The following RASGEF1A variants were observed in gnomAD, a reference collection of about 807,000 sequenced individuals.
RASGEF1A encodes ras-GEF domain-containing family member 1A.
In RASGEF1A, 18 loss-of-function variants were observed where a neutral mutation model predicts 56.4. The observed-to-expected ratio is 0.32, with a 90% confidence interval of 0.22 to 0.47. The LOEUF (loss-of-function observed/expected upper bound fraction) is 0.47. Ranked by LOEUF, RASGEF1A falls within the 20% of genes least tolerant of loss-of-function variation. The pLI, the probability that RASGEF1A is intolerant of heterozygous loss-of-function variation, is 1.00. For synonymous variants in RASGEF1A, 245 were observed against 242.6 expected (o/e 1.01, Z -0.09); for missense variants, 422 against 627.1 (o/e 0.67, Z 3.49).
At chr10:43,259,099 C>A (rs187941177) in intron 1 of RASGEF1A, among the ~76,000 whole-genome samples, 1 of 152,212 alleles carries the variant, frequency 6.6e-6, no homozygotes, top group Admixed American at 6.5e-5. Context: ...GCTCCTCATG[C>A]CAGCACAACA....
intron 1 of RASGEF1A, among the ~76,000 whole-genome samples, chr10:43,230,934 G>A (rs1840358083): frequency 6.6e-6 from 1 of 152,218 alleles, no homozygotes; most frequent in South Asian, 2.1e-4. Context: ...CAAGGGCCTG[G>A]AGACAGGAGT....
At chr10:43,253,987 C>G (rs577928288) in intron 1 of RASGEF1A, among the ~76,000 whole-genome samples, 12 of 152,302 alleles carry the variant, frequency 7.9e-5, no homozygotes, top group Non-Finnish European at 1.6e-4. Flanking sequence ...TGCCCCTAAG[C>G]TGGGCCTGGG....
Position 43,196,137 on chromosome 10 carries a change from C to A in RASGEF1A, c.*107G>T. ...ATTTTTTTCTCATAAAAGTTATATA[C>A]AAAATGGACCCCAACCAGTGAGGCC... On this transcript the variant is annotated 3_prime_UTR_variant, in exon 13 of 13. Transcript: ENST00000395810. The surrounding 1 kb of genome is among the most constrained non-coding windows in gnomAD (Gnocchi z 4.6). 1.9e-6 allele frequency: 2 copies of A among 1,047,400 alleles called. No homozygotes were observed. 64.9% of individuals were successfully genotyped at this position (1,047,400 alleles called of 1,614,324 possible). A position where few individuals can be genotyped will look rare whatever the true frequency, so the allele number is the denominator to read the frequency against.
intron 1 of RASGEF1A, among the ~76,000 whole-genome samples, chr10:43,250,961 C>A (rs1016437527): frequency 2.0e-5 from 3 of 152,200 alleles, no homozygotes; most frequent in Non-Finnish European, 4.4e-5. Context: ...CTGCCCAGGG[C>A]CAGGCAGAGG....
At chr10:43,228,622 C>T (rs12775330) in intron 1 of RASGEF1A, among the ~76,000 whole-genome samples, 25,213 of 152,214 alleles carry the variant, frequency 0.17, 2,351 homozygotes, top group Admixed American at 0.24. Flanking sequence ...GACTTGGGGG[C>T]TGCTCTATCG....
chr10:43,253,610 G>A (rs964430560), intron 1 of RASGEF1A, among the ~76,000 whole-genome samples: 6 of 152,362 alleles, frequency 3.9e-5, no homozygotes, highest in African/African-American at 1.2e-4. Context: ...TGGCTGGCTC[G>A]GAGCTGTAGG....
intron 1 of RASGEF1A, among the ~76,000 whole-genome samples, chr10:43,217,116 G>A (rs553562641): frequency 3.0e-4 from 45 of 152,268 alleles, no homozygotes; most frequent in African/African-American, 1.1e-3. Context: ...CTCACTGGCA[G>A]GGGAGCACAA....
Position 43,253,625 on chromosome 10 carries a change from C to A in RASGEF1A, c.-7+13220G>T, listed in dbSNP as rs996098195. On this transcript the variant is annotated intron_variant, in intron 1 of 12. Transcript: ENST00000395810. ...TGGCTGGCTCGGAGCTGTAGGGAGC[C>A]TCACACAAGGCCCAGAGGGGGCTCT... Among the ~76,000 whole-genome samples the A allele has an allele frequency of 4.1e-4, 63 of 152,322 alleles. 1 individual carries two copies. The highest frequency in any genetic ancestry group is 1.0e-4 in the Non-Finnish European group (7 of 68,010).
At chr10:43,256,629 TCAGCCGCTTCCCCCACA>T (rs1836412896) in intron 1 of RASGEF1A, among the ~76,000 whole-genome samples, 1 of 152,132 alleles carries the variant, frequency 6.6e-6, no homozygotes, top group Admixed American at 6.5e-5. Context: ...ACTCTGGACC[TCAGCCGCTTCCCCCACA>T]CAGTCTCCCG....
intron 1 of RASGEF1A, among the ~76,000 whole-genome samples, chr10:43,239,014 T>C (rs762539680): frequency 3.9e-5 from 6 of 152,354 alleles, no homozygotes; most frequent in Non-Finnish European, 7.3e-5. Flanking sequence ...TTCATTCTAA[T>C]CAGTGGTGCC....
chr10:43,245,413 C>G (rs1023918376), intron 1 of RASGEF1A, among the ~76,000 whole-genome samples: 1 of 152,118 alleles, frequency 6.6e-6, no homozygotes, highest in African/African-American at 2.4e-5. Context: ...AAAGCACTAA[C>G]CAATTCATTC....
At chr10:43,209,244 A>T in intron 1 of RASGEF1A, 1 of 981,892 alleles carries the variant, frequency 1.0e-6, no homozygotes, top group Non-Finnish European at 1.2e-6. Flanking sequence ...GAAGAATCCC[A>T]GTTACTCTTC....
intron 5 of RASGEF1A, 105 bp downstream of exon 5, chr10:43,200,562 C>T: frequency 9.4e-7 from 1 of 1,059,310 alleles, no homozygotes; most frequent in East Asian, 2.5e-5. Context: ...AAGCGCACTT[C>T]CCTGATGGCT....
intron 1 of RASGEF1A, among the ~76,000 whole-genome samples, chr10:43,223,247 T>C (rs748992124): frequency 6.6e-6 from 1 of 152,324 alleles, no homozygotes; most frequent in Middle Eastern, 3.4e-3. Flanking sequence ...CATGGTCGTA[T>C]GTTATACCAC....
intron 1 of RASGEF1A, among the ~76,000 whole-genome samples, chr10:43,240,036 G>A (rs1422257805): frequency 6.6e-6 from 1 of 152,212 alleles, no homozygotes; most frequent in Non-Finnish European, 1.5e-5. Flanking sequence ...GCTCAGAAAA[G>A]TACTTGGGAA....
intron 1 of RASGEF1A, among the ~76,000 whole-genome samples, chr10:43,243,372 C>A (rs1017824109): frequency 6.6e-6 from 1 of 151,104 alleles, no homozygotes; most frequent in South Asian, 2.1e-4. Flanking sequence ...TGCCCAGCTG[C>A]CCCGTCCGGG....
chr10:43,195,765 G>C lies in RASGEF1A; in HGVS notation c.*479C>G, dbSNP rs1378971086. ...CCAGGCTCCTGAGGGCAGGCGCCCA[G>C]GTGGAGTGGGACTCACCGCAGCCCA... On this transcript the variant is annotated 3_prime_UTR_variant, in exon 13 of 13. Coordinates refer to ENST00000395810, the MANE Select transcript of RASGEF1A (RefSeq NM_145313.4). The surrounding 1 kb of genome is among the most constrained non-coding windows in gnomAD (Gnocchi z 4.2). The C allele has an allele frequency of 6.5e-6, 1 of 152,950 alleles. No homozygotes were observed. The highest frequency in any genetic ancestry group is 1.5e-5 in the Non-Finnish European group (1 of 68,308). 9.5% of individuals were successfully genotyped at this position (152,950 alleles called of 1,614,324 possible).
At chr10:43,203,838 T>G (rs1588929854) in intron 2 of RASGEF1A, 1 of 929,376 alleles carries the variant, frequency 1.1e-6, no homozygotes, top group Non-Finnish European at 1.3e-6. Flanking sequence ...GGGTGGGGGA[T>G]GCAGGGAGGT....
At chr10:43,240,714 C>T (rs529687443) in intron 1 of RASGEF1A, among the ~76,000 whole-genome samples, 1 of 152,068 alleles carries the variant, frequency 6.6e-6, no homozygotes, top group African/African-American at 2.4e-5. Flanking sequence ...TAAATAGAGC[C>T]ACAGACACCA....
Sources: gnomAD v4.1 joint callset for allele counts (sites outside exome capture counted in the v4.1 genomes callset) on GRCh38, gnomAD v4.1.1 for gene constraint, Gnocchi (gnomAD v3.1) non-coding constraint, MANE v1.5 for transcripts, NCBI Gene and HGNC (gene_info 2026-07-23, HGNC 2026-07-21) for gene names.